The following ERCC6 variants were observed in gnomAD, a reference collection of about 807,000 sequenced individuals.
The protein encoded by ERCC6 is DNA excision repair protein ERCC-6.
ERCC6 carries 116 observed loss-of-function variants against 158.7 expected under a neutral mutation model. That is an observed-to-expected ratio of 0.73 (90% CI 0.63 to 0.85). ERCC6 has a LOEUF of 0.85. Among genes scored for constraint, ERCC6 ranks in the 40% least tolerant of loss-of-function variants. ERCC6 has a pLI of 0.00. For missense variants in ERCC6, 1,698 were observed against 1,799.4 expected, an observed-to-expected ratio of 0.94 and a Z score of 1.02; for synonymous variants, 678 against 659.3, an observed-to-expected ratio of 1.03 and a Z score of -0.43.
chr10:49,489,975 C>T (rs1851144153), intron 8 of ERCC6, among the ~76,000 whole-genome samples: 1 of 151,988 alleles, frequency 6.6e-6, no homozygotes, highest in African/African-American at 2.4e-5. Context: ...GTTGTTTTAA[C>T]AAATAAATAT....
intron 5 of ERCC6, chr10:49,515,617 G>A (rs879773666): frequency 1.9e-5 from 30 of 1,613,942 alleles, no homozygotes; most frequent in Non-Finnish European, 2.5e-5. Flanking sequence ...TTATGCAATT[G>A]CCAAGCATTT....
rs914547517 is a variant in ERCC6 at position 49,458,071 on chromosome 10, T to G, written c.*744A>C. On this transcript the variant is annotated 3_prime_UTR_variant, in exon 21 of 21. Transcript: ENST00000355832. ...GTGTGTGGTTTTTATGTACCTACTTTTGGCTTTAATTTGATTTTTTTTAAT... is the reference window on the plus strand; with the variant it reads ...GTGTGTGGTTTTTATGTACCTACTTGTGGCTTTAATTTGATTTTTTTTAAT... The G allele has an allele frequency of 3.3e-5, 5 of 152,228 alleles. No homozygotes were observed. Among genetic ancestry groups the G allele is most frequent in the African/African-American group, 1.2e-4 (5 of 41,420 alleles). 9.4% of individuals were successfully genotyped at this position (152,228 alleles called of 1,614,324 possible).
chr10:49,475,308 A>T (rs1463596357), intron 12 of ERCC6: 1 of 372,212 alleles, frequency 2.7e-6, no homozygotes, highest in African/African-American at 2.1e-5. Context: ...AATAAAATAT[A>T]TATCAAAATT....
intron 7 of ERCC6, among the ~76,000 whole-genome samples, chr10:49,497,223 G>A (rs1049094988): frequency 1.3e-5 from 2 of 152,230 alleles, no homozygotes; most frequent in African/African-American, 2.4e-5. Flanking sequence ...CCCTTCCATG[G>A]CAGCAAGCCT....
At position 49,532,666 on chromosome 10, in the gene ERCC6, T is replaced by C; in HGVS notation, c.299A>G (p.Tyr100Cys). 3 of 1,614,186 alleles carry C rather than the reference T, an allele frequency of 1.9e-6. No homozygotes were observed. The highest frequency in any genetic ancestry group is 2.2e-5 in the East Asian group (1 of 44,878). The change falls in exon 2 of 21, where the codon TAT becomes TGT. Residue 100 changes from tyrosine to cysteine, a missense_variant. Transcript: ENST00000355832. ...TCCCTGTTCCAGCACGTCCTGGTCATAGACGTCCACACCCAAACCCTGCAG... is the reference window on the plus strand; with the variant it reads ...TCCCTGTTCCAGCACGTCCTGGTCACAGACGTCCACACCCAAACCCTGCAG... ...LELQGLGVDV[Y>C]DQDVLEQGVL...
downstream of ERCC6, among the ~76,000 whole-genome samples, chr10:49,452,288 G>A (rs550675722): frequency 1.9e-4 from 29 of 151,970 alleles, no homozygotes; most frequent in Non-Finnish European, 2.9e-4. Flanking sequence ...GTTTACTTGT[G>A]TCTTAATTTT....
At position 49,516,078 on chromosome 10, in the gene ERCC6, T is replaced by C. The variant is rs774245903; in HGVS notation, c.1397+7955A>G. 17 of 1,614,048 alleles carry C rather than the reference T, an allele frequency of 1.1e-5. No individual in the cohort carries two copies. The East Asian group carries it at 1.1e-4, about 11-fold the overall frequency. ...AAAGTTATTGAATACAAAATGGTAT[T>C]GTCCAGGGTGTGCCTCTGTAAGTGC... On this transcript the variant is annotated intron_variant, in intron 5 of 20. Coordinates refer to ENST00000355832, the MANE Select transcript of ERCC6 (RefSeq NM_000124.4).
chr10:49,521,528 A>G (rs1403718262), intron 5 of ERCC6, among the ~76,000 whole-genome samples: 2 of 152,276 alleles, frequency 1.3e-5, no homozygotes, highest in Admixed American at 1.3e-4. Context: ...GTGGTAGCAC[A>G]AAGTAAAATG....
intron 10 of ERCC6, among the ~76,000 whole-genome samples, chr10:49,480,331 C>T (rs1479212232): frequency 6.6e-6 from 1 of 152,206 alleles, no homozygotes; most frequent in African/African-American, 2.4e-5. Context: ...CCTGTGCCCA[C>T]CCCTACTGGA....
At chr10:49,449,163 G>C in the ERCC6 span, among the ~76,000 whole-genome samples, 1 of 152,106 alleles carries the variant, frequency 6.6e-6, no homozygotes. Flanking sequence ...TTTTATTTTA[G>C]CCAACTTAGT....
At chr10:49,480,051 C>T (rs1850949081) in intron 10 of ERCC6, among the ~76,000 whole-genome samples, 1 of 152,210 alleles carries the variant, frequency 6.6e-6, no homozygotes, top group Admixed American at 6.5e-5. Context: ...AAAAACCTTG[C>T]ATGTGGAATA....
chr10:49,467,114 T>C (rs892770557), intron 18 of ERCC6, among the ~76,000 whole-genome samples: 3 of 152,224 alleles, frequency 2.0e-5, no homozygotes, highest in Non-Finnish European at 4.4e-5. Flanking sequence ...TATGCCATGG[T>C]TAGTTTAACT....
In ERCC6 at chr10:49,524,410, C is replaced by A. The variant is rs755016115; in HGVS notation, c.1020G>T (p.Leu340Phe). The A allele has an allele frequency of 6.2e-7, 1 of 1,614,222 alleles. No homozygotes were observed. Among genetic ancestry groups the A allele is most frequent in the East Asian group, 2.2e-5 (1 of 44,882 alleles). Reference protein sequence around the residue: ...KHIKKLQKRALQFQGKVGLPK... With the variant: ...KHIKKLQKRAFQFQGKVGLPK... ...GCAATCCCACTTTCCCCTGGAACTG[C>A]AAAGCCCTCTTCTGGAGTTTCTTGA... is the stretch of plus-strand genomic sequence containing the variant. Residue 340 changes from leucine (L) to phenylalanine (F), a missense_variant, in exon 5 of 21, where the codon TTG (leucine) becomes TTT (phenylalanine). By Grantham distance (22) the Leu-to-Phe change is conservative (BLOSUM62 0). Coordinates refer to ENST00000355832, the MANE Select transcript of ERCC6 (RefSeq NM_000124.4).
chr10:49,499,507 CTGTAAAGGT>C (rs569995837), intron 7 of ERCC6, among the ~76,000 whole-genome samples: 298 of 152,294 alleles, frequency 2.0e-3, no homozygotes, highest in Non-Finnish European at 2.9e-3. Context: ...ACTGACACTA[CTGTAAAGGT>C]TATCTCCAAA....
intron 5 of ERCC6, among the ~76,000 whole-genome samples, chr10:49,520,700 G>C: frequency 6.6e-6 from 1 of 152,072 alleles, no homozygotes; most frequent in East Asian, 1.9e-4. Context: ...ACCCAAACAG[G>C]GCCTCGGAGC....
At chr10:49,500,015 C>T (rs4253116) in intron 7 of ERCC6, among the ~76,000 whole-genome samples, 237 of 152,236 alleles carry the variant, frequency 1.6e-3, no homozygotes, top group African/African-American at 5.4e-3. Context: ...TCTAGAAATG[C>T]TATCATGCAC....
At chr10:49,442,203 G>C in the ERCC6 span, among the ~76,000 whole-genome samples, 1 of 152,230 alleles carries the variant, frequency 6.6e-6, no homozygotes, top group Non-Finnish European at 1.5e-5. Context: ...TCCTCCAAAC[G>C]ACAGTTACGC....
chr10:49,526,117 TTA>T (rs55801003), intron 4 of ERCC6, among the ~76,000 whole-genome samples: 249 of 43,468 alleles, frequency 5.7e-3, no homozygotes, highest in Non-Finnish European at 8.2e-3. Flanking sequence ...TTATATATTT[TTA>T]TATATATATA....
intron 2 of ERCC6, among the ~76,000 whole-genome samples, chr10:49,531,190 A>G (rs1482494943): frequency 6.6e-6 from 1 of 152,198 alleles, no homozygotes; most frequent in African/African-American, 2.4e-5. Context: ...AAATGCATAC[A>G]TGGGTTTTTT....
Sources: gnomAD v4.1 joint callset for allele counts (sites outside exome capture counted in the v4.1 genomes callset) on GRCh38, gnomAD v4.1.1 for gene constraint, MANE v1.5 for transcripts, NCBI Gene and HGNC (gene_info 2026-07-23, HGNC 2026-07-21) for gene names.